Variants in ZYX observed in about 807,000 individuals in gnomAD.
The protein encoded by ZYX is zyxin, also known as zyxin-2.
Under a neutral mutation model 58.1 loss-of-function variants are expected in ZYX, and 37 were observed. That is an observed-to-expected ratio of 0.64 (90% CI 0.49 to 0.84). The LOEUF (loss-of-function observed/expected upper bound fraction) is 0.84. Ranked by LOEUF, ZYX falls within the 40% of genes least tolerant of loss-of-function variation. ZYX has a pLI of 0.00. For synonymous variants in ZYX, 324 were observed against 321.1 expected, an observed-to-expected ratio of 1.01 and a Z score of -0.10; for missense variants, 762 against 761.6, an observed-to-expected ratio of 1.00 and a Z score of -0.01.
At position 143,388,329 on chromosome 7, in the gene ZYX, G is replaced by T. The variant is rs1804940434; in HGVS notation, c.1134G>T (p.Val378=). ...QDMEHPQRQN[V]AVNELCGRCH... Reference sequence around the variant, plus strand: ...TGGAGCATCCTCAGAGGCAGAATGTGGCTGTCAACGGTGAGCCCACCCCAC... The same window carrying T: ...TGGAGCATCCTCAGAGGCAGAATGTTGCTGTCAACGGTGAGCCCACCCCAC... Residue 378 remains valine, a synonymous_variant, in exon 6 of 10, where the codon GTG becomes GTT. Coordinates refer to ENST00000322764, the MANE Select transcript of ZYX (RefSeq NM_003461.5). This position sits in a 1 kb window ranked among gnomAD's most constrained non-coding sequence, Gnocchi z 7.5. The T allele has an allele frequency of 6.2e-7, 1 of 1,613,806 alleles. No individual in the cohort carries two copies.
intron 5 of ZYX, among the ~76,000 whole-genome samples, chr7:143,385,549 GGT>G (rs1363199449): frequency 2.0e-5 from 3 of 151,178 alleles, no homozygotes; most frequent in East Asian, 1.9e-4. Flanking sequence ...TGATGTGTAT[GGT>G]GTGTGATTGC....
chr7:143,381,674 A>G lies in ZYX; in HGVS notation c.103A>G (p.Lys35Glu). ...CGGCCCTGTGGTGGCCCCAAAGCCCAAAGTGAATCCCTTCCGGCCCGGGGA... is the reference window on the plus strand; with the variant it reads ...CGGCCCTGTGGTGGCCCCAAAGCCCGAAGTGAATCCCTTCCGGCCCGGGGA... ...KFGPVVAPKP[K>E]VNPFRPGDSE... is the part of the protein sequence containing the mutation. Residue 35 changes from lysine to glutamate, a missense_variant, in exon 2 of 10, where the codon AAA becomes GAA. By Grantham distance (56) the Lys-to-Glu change is moderately conservative (BLOSUM62 1). Transcript: ENST00000322764. 1 of 1,611,352 alleles carries G rather than the reference A, an allele frequency of 6.2e-7. No homozygotes were observed. The highest frequency in any genetic ancestry group is 8.5e-7 in the Non-Finnish European group (1 of 1,179,186).
intron 5 of ZYX, among the ~76,000 whole-genome samples, chr7:143,386,043 A>G (rs1030438850): frequency 9.5e-6 from 1 of 105,008 alleles, no homozygotes; most frequent in Non-Finnish European, 2.4e-5. Flanking sequence ...AGTGTATGTG[A>G]GTGGTGTATG....
rs1804903742 is a variant in ZYX, at chr7:143,387,438, C to T, written c.1024-781C>T. ...CACCCAGTGCACTTGCTCCTGTGGG[C>T]GTGTCTCCCGGCAGTGCTGATGCAG... On this transcript the variant is annotated intron_variant, in intron 5 of 9. Transcript: ENST00000322764. This position sits in a 1 kb window ranked among gnomAD's most constrained non-coding sequence, Gnocchi z 5.8. Among the ~76,000 whole-genome samples the T allele has an allele frequency of 6.6e-6, 1 of 152,150 alleles. No homozygotes were observed.
Position 143,390,840 on chromosome 7 carries a change from T to C in ZYX, c.*158T>C. The C allele has an allele frequency of 1.6e-6, 1 of 636,282 alleles. No homozygotes were observed. Among genetic ancestry groups the C allele is most frequent in the Non-Finnish European group, 2.8e-6 (1 of 352,394 alleles). The allele number at this position is 636,282 out of a possible 1,614,324, so 39.4% of individuals were successfully genotyped here. On this transcript the variant is annotated 3_prime_UTR_variant, in exon 10 of 10. Transcript: ENST00000322764. This position sits in a 1 kb window ranked among gnomAD's most constrained non-coding sequence, Gnocchi z 4.3. Reference sequence around the variant, plus strand: ...AGGTGCCCTGACCCAGGACCCAACATGGTCTAGGGATGCAGGATCCCCGCC... The same window carrying C: ...AGGTGCCCTGACCCAGGACCCAACACGGTCTAGGGATGCAGGATCCCCGCC...
At chr7:143,382,741 G>A (rs1301932554) in intron 4 of ZYX, 56 bp downstream of exon 4, 1 of 1,613,842 alleles carries the variant, frequency 6.2e-7, no homozygotes, top group Non-Finnish European at 8.5e-7. Flanking sequence ...ACTGGGCATA[G>A]AACTAAGGAG....
chr7:143,390,751 C>A lies in ZYX; in HGVS notation c.*69C>A. The A allele has an allele frequency of 1.7e-6, 2 of 1,148,538 alleles. No individual in the cohort carries two copies. The highest frequency in any genetic ancestry group is 2.5e-6 in the Non-Finnish European group (2 of 788,150). 71.1% of individuals were successfully genotyped at this position (1,148,538 alleles called of 1,614,324 possible). ...GGACCACCCACACTGAGACCACCTG[C>A]CCCCACCTCAGTTATTGTTTTGATG... On this transcript the variant is annotated 3_prime_UTR_variant, in exon 10 of 10. Transcript: ENST00000322764. The surrounding 1 kb of genome is among the most constrained non-coding windows in gnomAD (Gnocchi z 4.3).
At position 143,384,280 on chromosome 7, in the gene ZYX, C is replaced by T. The variant is rs534313847; in HGVS notation, c.1023+958C>T. On this transcript the variant is annotated intron_variant, in intron 5 of 9. Transcript: ENST00000322764. The surrounding 1 kb of genome is among the most constrained non-coding windows in gnomAD (Gnocchi z 4.9). ...AGGCACTCAGACCAGGGAGTCAACT[C>T]GGGGAGTCAAATTAGGAAAGGCTTC... The T allele has an allele frequency of 1.5e-5, 7 of 470,936 alleles. No homozygotes were observed. Among genetic ancestry groups the T allele is most frequent in the East Asian group, 7.0e-5 (1 of 14,364 alleles). The allele number at this position is 470,936 out of a possible 1,614,324, so 29.2% of individuals were successfully genotyped here.
rs1804676841 is a variant in ZYX, at chr7:143,382,682, C to T, written c.498C>T (p.Ala166=). The change falls in exon 4 of 10, where the codon GCC becomes GCT. Residue 166 remains alanine (A), a synonymous_variant. Coordinates refer to ENST00000322764, the MANE Select transcript of ZYX (RefSeq NM_003461.5). ...DDMTKNDPFK[A]RVSSGYVPPP... is the part of the protein sequence containing the mutation. ...TGACCAAGAATGATCCTTTCAAAGC[C>T]CGGGTAAGGGACCGGAGAGTAGGAA... 2 of 1,613,940 alleles carry T rather than the reference C, an allele frequency of 1.2e-6. No individual in the cohort carries two copies. The highest frequency in any genetic ancestry group is 1.1e-5 in the South Asian group (1 of 91,088).
Position 143,387,677 on chromosome 7 carries a change from G to T in ZYX, c.1024-542G>T, listed in dbSNP as rs1187016671. ...CCCTCACTCGAGGGACAGGGTCTCT[G>T]TGTGGGGGTGGGGCTGGGTTCTTGC... On this transcript the variant is annotated intron_variant, in intron 5 of 9. Transcript: ENST00000322764. This position sits in a 1 kb window ranked among gnomAD's most constrained non-coding sequence, Gnocchi z 5.8. The T allele has an allele frequency of 2.1e-6, 1 of 471,088 alleles. No homozygotes were observed. Among genetic ancestry groups the T allele is most frequent in the Non-Finnish European group, 4.4e-6 (1 of 226,964 alleles). The allele number at this position is 471,088 out of a possible 1,614,324, so 29.2% of individuals were successfully genotyped here. A position where few individuals can be genotyped will look rare whatever the true frequency, so the allele number is the denominator to read the frequency against.
In ZYX at chr7:143,387,934, G is replaced by A. The variant is rs990239862; in HGVS notation, c.1024-285G>A. 10 of 541,890 alleles carry A rather than the reference G, an allele frequency of 1.8e-5. No individual in the cohort carries two copies. The highest frequency in any genetic ancestry group is 4.5e-5 in the Admixed American group (2 of 44,806). 33.6% of individuals were successfully genotyped at this position (541,890 alleles called of 1,614,324 possible). Reference sequence around the variant, plus strand: ...GCTGCTGTGTGCGTGGCCTCCGTCCGCCCAGTCATTCTGGCCTGTCTGTGA... The same window carrying A: ...GCTGCTGTGTGCGTGGCCTCCGTCCACCCAGTCATTCTGGCCTGTCTGTGA... On this transcript the variant is annotated intron_variant, in intron 5 of 9. Transcript: ENST00000322764. The surrounding 1 kb of genome is among the most constrained non-coding windows in gnomAD (Gnocchi z 5.8).
At chr7:143,385,999 TGTGA>T (rs979640660) in intron 5 of ZYX, among the ~76,000 whole-genome samples, 69 of 151,116 alleles carry the variant, frequency 4.6e-4, no homozygotes, top group African/African-American at 1.4e-3. Flanking sequence ...ATGGTATATG[TGTGA>T]GTGTGTGTGT....
Position 143,390,566 on chromosome 7 carries a change from CCTT to C in ZYX, c.1615-7_1615-5del, listed in dbSNP as rs770545046. 1.9e-6 allele frequency: 3 copies of C among 1,555,016 alleles called. No individual in the cohort carries two copies. Among genetic ancestry groups the C allele is most frequent in the South Asian group, 2.4e-5 (2 of 84,376 alleles). On this transcript the variant is annotated splice_polypyrimidine_tract_variant and intron_variant, in intron 9 of 9. Coordinates refer to ENST00000322764, the MANE Select transcript of ZYX (RefSeq NM_003461.5). The surrounding 1 kb of genome is among the most constrained non-coding windows in gnomAD (Gnocchi z 4.3). ...TTCCGGTCCAGTGCCCCTCACCCTT[CCTT>C]CTTCCCAGGACTGCGGGAAGCCCCT...
At chr7:143,386,217 G>C (rs1260577898) in intron 5 of ZYX, among the ~76,000 whole-genome samples, 1 of 152,050 alleles carries the variant, frequency 6.6e-6, no homozygotes, top group Non-Finnish European at 1.5e-5. Context: ...GGTGAGTGTT[G>C]TGGGAGAGCA....
rs373548465 is a variant in ZYX, at chr7:143,388,899, A to G, written c.1447A>G (p.Ile483Val). ...CARPLEGTSF[I>V]VDQANRPHCV... The stretch of plus-strand genomic sequence containing the variant: ...CCGCCCCCTGGAGGGCACCTCCTTC[A>G]TCGTGGACCAGGCCAACCGGCCCCA... Residue 483 changes from isoleucine (I) to valine (V), a missense_variant, in exon 8 of 10, where the codon ATC becomes GTC. By Grantham distance (29) the Ile-to-Val change is conservative (BLOSUM62 3). Coordinates refer to ENST00000322764, the MANE Select transcript of ZYX (RefSeq NM_003461.5). This position sits in a 1 kb window ranked among gnomAD's most constrained non-coding sequence, Gnocchi z 7.5. 6.2e-7 allele frequency: 1 copy of G among 1,613,330 alleles called. No individual in the cohort carries two copies. The highest frequency in any genetic ancestry group is 8.5e-7 in the Non-Finnish European group (1 of 1,179,934).
At position 143,390,869 on chromosome 7, in the gene ZYX, G is replaced by A; in HGVS notation, c.*187G>A. ...CTAGGGATGCAGGATCCCCGCCCTG[G>A]GGTCTGGTCCTCGCCCATCCTGCAG... On this transcript the variant is annotated 3_prime_UTR_variant, in exon 10 of 10. Transcript: ENST00000322764. This position sits in a 1 kb window ranked among gnomAD's most constrained non-coding sequence, Gnocchi z 4.3. 1 of 586,508 alleles carries A rather than the reference G, an allele frequency of 1.7e-6. No individual in the cohort carries two copies. Among genetic ancestry groups the A allele is most frequent in the South Asian group, 2.0e-5 (1 of 51,262 alleles). 36.3% of individuals were successfully genotyped at this position (586,508 alleles called of 1,614,324 possible). A position where few individuals can be genotyped will look rare whatever the true frequency, so the allele number is the denominator to read the frequency against.
At position 143,389,730 on chromosome 7, in the gene ZYX, G is replaced by A; in HGVS notation, c.1494-127G>A. ...TGTCTCACTCTTAGGCCCTTCTGGT[G>A]AGCTTCCTTCACCTGGAGATGCAGG... On this transcript the variant is annotated intron_variant, in intron 8 of 9. Transcript: ENST00000322764. The surrounding 1 kb of genome is among the most constrained non-coding windows in gnomAD (Gnocchi z 5.6). 1.4e-6 allele frequency: 2 copies of A among 1,383,256 alleles called. No individual in the cohort carries two copies. Among genetic ancestry groups the A allele is most frequent in the Non-Finnish European group, 2.0e-6 (2 of 1,022,962 alleles). 85.7% of individuals were successfully genotyped at this position (1,383,256 alleles called of 1,614,324 possible). A position where few individuals can be genotyped will look rare whatever the true frequency, so the allele number is the denominator to read the frequency against.
In ZYX at chr7:143,388,547, A is replaced by G. The variant is rs765063788; in HGVS notation, c.1203A>G (p.Leu401=). ...LARAQPAVRA[L]GQLFHIACFT... ...GGGCGCAGCCAGCCGTCCGCGCTCT[A>G]GGGCAGCTGTTCCACATCGCCTGCT... The change falls in exon 7 of 10, where the codon CTA becomes CTG. Residue 401 remains leucine, a synonymous_variant. Transcript: ENST00000322764. The surrounding 1 kb of genome is among the most constrained non-coding windows in gnomAD (Gnocchi z 7.5). The G allele has an allele frequency of 1.2e-6, 2 of 1,611,322 alleles. No individual in the cohort carries two copies. Among genetic ancestry groups the G allele is most frequent in the Non-Finnish European group, 1.7e-6 (2 of 1,179,948 alleles).
Position 143,390,540 on chromosome 7 carries a change from C to T in ZYX, c.1615-38C>T. The T allele has an allele frequency of 6.8e-7, 1 of 1,468,900 alleles. No homozygotes were observed. The highest frequency in any genetic ancestry group is 9.3e-7 in the Non-Finnish European group (1 of 1,072,800). The allele number at this position is 1,468,900 out of a possible 1,614,324, so 91.0% of individuals were successfully genotyped here. A position where few individuals can be genotyped will look rare whatever the true frequency, so the allele number is the denominator to read the frequency against. On this transcript the variant is annotated intron_variant, in intron 9 of 9. Coordinates refer to ENST00000322764, the MANE Select transcript of ZYX (RefSeq NM_003461.5). This position sits in a 1 kb window ranked among gnomAD's most constrained non-coding sequence, Gnocchi z 4.3. ...GGGTAGGGTGGAGCAGAGCAGGGGC[C>T]TTCCGGTCCAGTGCCCCTCACCCTT...
Sources: allele counts gnomAD v4.1 joint callset (sites outside exome capture counted in the v4.1 genomes callset), GRCh38; gene constraint gnomAD v4.1.1; non-coding constraint Gnocchi (gnomAD v3.1); transcripts MANE v1.5; gene names NCBI Gene and HGNC (gene_info 2026-07-23, HGNC 2026-07-21).